The following SPEF2 variants were observed in gnomAD, a reference collection of about 807,000 sequenced individuals.
SPEF2 encodes sperm flagellar and cilia associated 2, also known as sperm flagella and cilia-associated protein 2.
SPEF2 carries 187 observed loss-of-function variants against 224.6 expected under a neutral mutation model. The observed-to-expected ratio is 0.83, with a 90% CI of 0.74 to 0.94. SPEF2 has a LOEUF of 0.94. Ranked by LOEUF, SPEF2 falls within the 40% of genes least tolerant of loss-of-function variation. The pLI is 0.00. For synonymous variants in SPEF2, 715 were observed against 707.3 expected, an observed-to-expected ratio of 1.01 and a Z score of -0.17; for missense variants, 2,170 against 2,135.6, an observed-to-expected ratio of 1.02 and a Z score of -0.32.
rs555642008 is a variant in SPEF2, at chr5:35,779,405, G to A, written c.4447+59G>A. The A allele has an allele frequency of 2.9e-5, 38 of 1,321,286 alleles. No individual in the cohort carries two copies. In the African/African-American group the frequency reaches 4.4e-4, roughly 15 times the overall value. The allele number at this position is 1,321,286 out of a possible 1,614,324, so 81.8% of individuals were successfully genotyped here. ...AAAAAGGTTAAGATTAACCAGGACA[G>A]AAATCACTTGCCAACAAGTAAAATC... On this transcript the variant is annotated intron_variant, in intron 30 of 36. Coordinates refer to ENST00000356031, the MANE Select transcript of SPEF2 (RefSeq NM_024867.4).
At chr5:35,751,042 T>TGTGTATATATATACGTATATATATAC (rs1749431661) in intron 23 of SPEF2, among the ~76,000 whole-genome samples, 3 of 31,384 alleles carry the variant, frequency 9.6e-5, no homozygotes, top group Non-Finnish European at 1.5e-4. Flanking sequence ...TATACACATA[T>TGTGTATATATATACGTATATATATAC]GTATATATAT....
At chr5:35,799,881 A>G (rs1757193306) in intron 33 of SPEF2, 87 bp from the exon 34 acceptor site, 3 of 1,442,810 alleles carry the variant, frequency 2.1e-6, no homozygotes, top group Non-Finnish European at 1.9e-6. Context: ...CTTATTCCAA[A>G]GCTCCTGGGG....
chr5:35,751,428 T>G (rs997354721), intron 23 of SPEF2, among the ~76,000 whole-genome samples: 1 of 151,416 alleles, frequency 6.6e-6, no homozygotes, highest in Non-Finnish European at 1.5e-5. Flanking sequence ...AACTTACTTA[T>G]GTACCCAAAT....
chr5:35,793,781 G>C (rs564080175), intron 32 of SPEF2, among the ~76,000 whole-genome samples: 2 of 148,438 alleles, frequency 1.3e-5, no homozygotes, highest in Admixed American at 1.3e-4. Context: ...GAAAGGAGCA[G>C]GTTTTTTTTC....
At chr5:35,720,006 C>G (rs1178541663) in intron 20 of SPEF2, among the ~76,000 whole-genome samples, 1 of 152,160 alleles carries the variant, frequency 6.6e-6, no homozygotes, top group African/African-American at 2.4e-5. Context: ...ATTGGCTCTG[C>G]AAGTAGAGAT....
At chr5:35,753,878 A>G in intron 24 of SPEF2, 117 bp downstream of exon 24, 1 of 1,274,454 alleles carries the variant, frequency 7.8e-7, no homozygotes. Flanking sequence ...ATTTTGGTAT[A>G]GCACTATGCC....
chr5:35,716,449 GC>G (rs1276406797), intron 20 of SPEF2, among the ~76,000 whole-genome samples: 19 of 152,126 alleles, frequency 1.2e-4, no homozygotes, highest in African/African-American at 4.6e-4. Context: ...AGGTACCAAA[GC>G]ATCAAATTAG....
chr5:35,697,615 T>C, intron 14 of SPEF2, 75 bp from the exon 15 acceptor site: 1 of 1,214,790 alleles, frequency 8.2e-7, no homozygotes, highest in South Asian at 1.3e-5. Flanking sequence ...GTCATTTAAT[T>C]AACTTTTCCT....
At chr5:35,782,715 AG>A (rs1754511177) in intron 30 of SPEF2, among the ~76,000 whole-genome samples, 1 of 152,116 alleles carries the variant, frequency 6.6e-6, no homozygotes, top group African/African-American at 2.4e-5. Context: ...TTTTCTGCTA[AG>A]TATTGGTTAA....
At chr5:35,764,383 TAGG>T (rs1751784348) in intron 26 of SPEF2, among the ~76,000 whole-genome samples, 1 of 151,992 alleles carries the variant, frequency 6.6e-6, no homozygotes, top group African/African-American at 2.4e-5. Flanking sequence ...AATTTGAACC[TAGG>T]TCTATATGAC....
intron 19 of SPEF2, chr5:35,710,955 C>A: frequency 1.1e-6 from 1 of 880,640 alleles, no homozygotes; most frequent in Non-Finnish European, 1.4e-6. Flanking sequence ...TGCTGCCACC[C>A]AACCTTACTG....
chr5:35,806,300 G>T (rs1297838435), intron 34 of SPEF2, among the ~76,000 whole-genome samples: 1 of 152,176 alleles, frequency 6.6e-6, no homozygotes, highest in Non-Finnish European at 1.5e-5. Flanking sequence ...TGTTTCTGAA[G>T]CTCTTAGAAT....
rs182127258 is a variant in SPEF2, at chr5:35,789,651, G to A, written c.4448-2689G>A. ...TTTCAGAGATGCCAGCCAAAATGTGGTGAGGGCTACCGTGATTGGAAGTTT... is the reference window on the plus strand; with the variant it reads ...TTTCAGAGATGCCAGCCAAAATGTGATGAGGGCTACCGTGATTGGAAGTTT... On this transcript the variant is annotated intron_variant, in intron 30 of 36. Coordinates refer to ENST00000356031, the MANE Select transcript of SPEF2 (RefSeq NM_024867.4). 2.6e-3 allele frequency: 1,635 copies of A among 632,666 alleles called. 39 individuals carry two copies. The Admixed American group carries it at 0.042, about 16-fold the overall frequency. 39.2% of individuals were successfully genotyped at this position (632,666 alleles called of 1,614,324 possible). A position where few individuals can be genotyped will look rare whatever the true frequency, so the allele number is the denominator to read the frequency against.
intron 30 of SPEF2, among the ~76,000 whole-genome samples, chr5:35,779,661 C>G (rs1754056408): frequency 1.3e-5 from 2 of 152,102 alleles, no homozygotes; most frequent in Non-Finnish European, 2.9e-5. Context: ...TACAGAAAGA[C>G]TTTGTGCATA....
chr5:35,619,375 T>G (rs1743148389), intron 1 of SPEF2, among the ~76,000 whole-genome samples: 1 of 152,218 alleles, frequency 6.6e-6, no homozygotes, highest in African/African-American at 2.4e-5. Context: ...TTAGTTCATT[T>G]ATTTTATTAG....
At chr5:35,745,185 A>G (rs1413467794) in intron 23 of SPEF2, among the ~76,000 whole-genome samples, 1 of 152,206 alleles carries the variant, frequency 6.6e-6, no homozygotes, top group Non-Finnish European at 1.5e-5. Flanking sequence ...CTGGGTGCCC[A>G]AGCAGCCCAT....
Position 35,667,225 on chromosome 5 carries a change from A to G in SPEF2, c.1321A>G (p.Thr441Ala). Reference sequence around the variant, plus strand: ...TTTGGATCAAATAGTTGATTTGTCCACTAAAGTGGCAGACTATCGAATGTT... The same window carrying G: ...TTTGGATCAAATAGTTGATTTGTCCGCTAAAGTGGCAGACTATCGAATGTT... ...EILDQIVDLSTKVADYRMLTN... is the reference protein window; with the variant it reads ...EILDQIVDLSAKVADYRMLTN... The change falls in exon 9 of 37, where the codon ACT becomes GCT. Residue 441 changes from threonine (T) to alanine (A), a missense_variant. Transcript: ENST00000356031. The G allele has an allele frequency of 6.2e-7, 1 of 1,605,604 alleles. No homozygotes were observed. The highest frequency in any genetic ancestry group is 8.5e-7 in the Non-Finnish European group (1 of 1,175,206).
intron 10 of SPEF2, among the ~76,000 whole-genome samples, chr5:35,690,177 A>T (rs1259513260): frequency 6.6e-6 from 1 of 152,120 alleles, no homozygotes; most frequent in Non-Finnish European, 1.5e-5. Context: ...TAATTGGGAT[A>T]TCTGTGATAT....
At position 35,641,693 on chromosome 5, in the gene SPEF2, T is replaced by C; in HGVS notation, c.414+10T>C. The C allele has an allele frequency of 6.2e-7, 1 of 1,605,668 alleles. No homozygotes were observed. Among genetic ancestry groups the C allele is most frequent in the Non-Finnish European group, 8.5e-7 (1 of 1,177,032 alleles). On this transcript the variant is annotated intron_variant, in intron 3 of 36. Transcript: ENST00000356031. ...TGATACTTTTCAAGAGGTAGGTACA[T>C]AAAAAAGCATAATAAGCATGTCACA...
Sources: allele counts gnomAD v4.1 joint callset (sites outside exome capture counted in the v4.1 genomes callset), GRCh38; gene constraint gnomAD v4.1.1; transcripts MANE v1.5; gene names NCBI Gene and HGNC (gene_info 2026-07-23, HGNC 2026-07-21).